PDZRN4: variants seen among roughly 807,000 people sequenced by gnomAD.
PDZRN4 encodes PDZ domain-containing RING finger protein 4.
Under a neutral mutation model 99.0 loss-of-function variants are expected in PDZRN4, and 70 were observed. That is an observed-to-expected ratio of 0.71 (90% CI 0.58 to 0.86). The LOEUF is 0.86. PDZRN4 is among the 40% of genes least tolerant of loss of function. The pLI is 0.00. For synonymous variants in PDZRN4, 551 were observed against 501.6 expected (o/e 1.10, Z -1.32); for missense variants, 1,474 against 1,331.2 (o/e 1.11, Z -1.67).
intron 3 of PDZRN4, among the ~76,000 whole-genome samples, chr12:41,329,942 A>C (rs906197320): frequency 1.3e-5 from 2 of 152,136 alleles, no homozygotes; most frequent in Non-Finnish European, 2.9e-5. Context: ...TGATTCTCTC[A>C]TGATAGCCAC....
chr12:41,431,747 A>G (rs1181121714), intron 3 of PDZRN4, among the ~76,000 whole-genome samples: 1 of 152,228 alleles, frequency 6.6e-6, no homozygotes, highest in Non-Finnish European at 1.5e-5. Context: ...GCAAGCAATA[A>G]CTAAATGCAA....
chr12:41,414,355 T>C (rs977436488), intron 3 of PDZRN4, among the ~76,000 whole-genome samples: 1 of 152,202 alleles, frequency 6.6e-6, no homozygotes, highest in African/African-American at 2.4e-5. Context: ...GGATGTCTAC[T>C]TCTCTAGCAA....
intron 7 of PDZRN4, among the ~76,000 whole-genome samples, chr12:41,557,016 T>G (rs1939177623): frequency 6.6e-6 from 1 of 151,942 alleles, no homozygotes; most frequent in Non-Finnish European, 1.5e-5. Context: ...CCAGGCATGG[T>G]GGCAGCCACC....
Position 41,539,796 on chromosome 12 carries a change from T to G in PDZRN4, c.1204-12860T>G, listed in dbSNP as rs571628523. ...AGAAGTTCTGAGGAGGACTGACAAATCTCTGTTGTGTCAACATAGACACGG... is the reference window on the plus strand; with the variant it reads ...AGAAGTTCTGAGGAGGACTGACAAAGCTCTGTTGTGTCAACATAGACACGG... On this transcript the variant is annotated intron_variant, in intron 5 of 9. Coordinates refer to ENST00000402685, the MANE Select transcript of PDZRN4 (RefSeq NM_001164595.2). 2.0e-5 allele frequency among the ~76,000 whole-genome samples: 3 copies of G among 152,292 alleles called. No individual in the cohort carries two copies. In the East Asian group the frequency reaches 5.8e-4, roughly 29 times the overall value.
At chr12:41,512,483 G>T (rs1436483172) in intron 5 of PDZRN4, among the ~76,000 whole-genome samples, 3 of 152,056 alleles carry the variant, frequency 2.0e-5, no homozygotes, top group Non-Finnish European at 2.9e-5. Flanking sequence ...AAGGGCAGGG[G>T]CAAAGGACCT....
intron 3 of PDZRN4, among the ~76,000 whole-genome samples, chr12:41,263,071 C>T (rs1050824829): frequency 1.3e-5 from 2 of 151,934 alleles, no homozygotes; most frequent in African/African-American, 4.8e-5. Context: ...AGTGATTCCT[C>T]GAAATTATTA....
At chr12:41,515,699 T>A (rs1458631306) in intron 5 of PDZRN4, among the ~76,000 whole-genome samples, 4 of 152,010 alleles carry the variant, frequency 2.6e-5, no homozygotes, top group Non-Finnish European at 5.9e-5. Flanking sequence ...GTGGCATGTT[T>A]CTCCTTATCA....
At chr12:41,393,436 A>G (rs1034160965) in intron 3 of PDZRN4, among the ~76,000 whole-genome samples, 4 of 152,016 alleles carry the variant, frequency 2.6e-5, no homozygotes, top group African/African-American at 9.7e-5. Flanking sequence ...TGCCTCACTC[A>G]TATATATATG....
chr12:41,322,487 CTTTTTTTTTTT>C (rs71081724), intron 3 of PDZRN4, among the ~76,000 whole-genome samples: 3 of 91,208 alleles, frequency 3.3e-5, no homozygotes, highest in South Asian at 4.0e-4. Context: ...ATTTTCTTTC[CTTTTTTTTTTT>C]TTTTTTTTTT....
intron 3 of PDZRN4, among the ~76,000 whole-genome samples, chr12:41,426,788 G>T (rs1249083017): frequency 7.2e-5 from 11 of 152,130 alleles, no homozygotes; most frequent in Non-Finnish European, 8.8e-5. Context: ...AGGCATTCAA[G>T]AATTTGTCTA....
chr12:41,494,051 A>T (rs5002110), intron 3 of PDZRN4, among the ~76,000 whole-genome samples: 98,832 of 151,236 alleles, frequency 0.65, 34,329 homozygotes, highest in African/African-American at 0.91. Context: ...AAACATTTTT[A>T]TTTTCATTTT....
At chr12:41,435,027 T>G (rs946082745) in intron 3 of PDZRN4, among the ~76,000 whole-genome samples, 1 of 152,318 alleles carries the variant, frequency 6.6e-6, no homozygotes, top group South Asian at 2.1e-4. Flanking sequence ...ACTCTTCAGT[T>G]CTATAGGATG....
At chr12:41,426,233 C>T (rs572770559) in intron 3 of PDZRN4, among the ~76,000 whole-genome samples, 8 of 152,276 alleles carry the variant, frequency 5.3e-5, no homozygotes, top group African/African-American at 1.9e-4. Flanking sequence ...AACAGCTGGG[C>T]CAATTGCTGT....
intron 3 of PDZRN4, among the ~76,000 whole-genome samples, chr12:41,215,809 C>G (rs1413899559): frequency 6.6e-6 from 1 of 151,120 alleles, no homozygotes; most frequent in Non-Finnish European, 1.5e-5. Context: ...GAGTCTACCA[C>G]TTGTCTTTGA....
At chr12:41,356,582 T>G (rs1951929087) in intron 3 of PDZRN4, among the ~76,000 whole-genome samples, 1 of 152,006 alleles carries the variant, frequency 6.6e-6, no homozygotes, top group Admixed American at 6.6e-5. Flanking sequence ...ACCACCAAGA[T>G]AATTGTATCT....
chr12:41,486,377 A>T (rs999351487), intron 3 of PDZRN4, among the ~76,000 whole-genome samples: 2 of 152,178 alleles, frequency 1.3e-5, no homozygotes, highest in African/African-American at 4.8e-5. Context: ...GCTTTTATAT[A>T]ACATAAACCA....
At chr12:41,425,609 C>T (rs1439545660) in intron 3 of PDZRN4, among the ~76,000 whole-genome samples, 1 of 152,110 alleles carries the variant, frequency 6.6e-6, no homozygotes, top group Non-Finnish European at 1.5e-5. Context: ...CTACTGTCTC[C>T]TGTGCTATAA....
intron 3 of PDZRN4, among the ~76,000 whole-genome samples, chr12:41,327,800 G>A (rs924803636): frequency 1.3e-5 from 2 of 152,074 alleles, no homozygotes; most frequent in African/African-American, 4.8e-5. Flanking sequence ...GTTGGTATAT[G>A]TATGTGTGTG....
intron 3 of PDZRN4, among the ~76,000 whole-genome samples, chr12:41,461,845 G>A (rs1952876290): frequency 6.6e-6 from 1 of 151,934 alleles, no homozygotes; most frequent in African/African-American, 2.4e-5. Flanking sequence ...TATTTTAATT[G>A]AGTGCATGCC....
Sources: gnomAD v4.1 joint callset for allele counts (sites outside exome capture counted in the v4.1 genomes callset) on GRCh38, gnomAD v4.1.1 for gene constraint, MANE v1.5 for transcripts, NCBI Gene and HGNC (gene_info 2026-07-23, HGNC 2026-07-21) for gene names.